Variants in TRPV2 observed in about 807,000 individuals in gnomAD.
The protein encoded by TRPV2 is OTRPC2.
TRPV2 carries 58 observed loss-of-function variants against 91.0 expected under a neutral mutation model. The ratio of observed to expected loss-of-function variants is 0.64; its 90% confidence interval spans 0.52 to 0.79. The LOEUF (loss-of-function observed/expected upper bound fraction) is 0.79. Ranked by LOEUF, TRPV2 falls within the 30% of genes least tolerant of loss-of-function variation. TRPV2 has a pLI of 0.00. For synonymous variants in TRPV2, 417 were observed against 414.8 expected, an observed-to-expected ratio of 1.01 and a Z score of -0.06; for missense variants, 807 against 969.6, an observed-to-expected ratio of 0.83 and a Z score of 2.23.
chr17:16,436,735 C>T (rs958145842), intron 14 of TRPV2, 54 bp from the exon 15 acceptor site: 1 of 1,346,574 alleles, frequency 7.4e-7, no homozygotes, highest in African/African-American at 1.4e-5. Flanking sequence ...CTGGTGCCTG[C>T]TTCCTGGGGA....
intron 9 of TRPV2, 195 bp from the exon 10 acceptor site, chr17:16,428,622 C>A (rs2093396016): frequency 1.4e-6 from 1 of 708,694 alleles, no homozygotes; most frequent in African/African-American, 1.8e-5. Flanking sequence ...ATACCTGTTT[C>A]ACTTAGTCCT....
chr17:16,418,389 G>A (rs912500237), intron 2 of TRPV2, among the ~76,000 whole-genome samples: 1 of 152,156 alleles, frequency 6.6e-6, no homozygotes, highest in African/African-American at 2.4e-5. Flanking sequence ...TTCAGACTGT[G>A]TGAGCACCAC....
At chr17:16,425,344 C>G (rs1206735444) in intron 5 of TRPV2, among the ~76,000 whole-genome samples, 4 of 152,120 alleles carry the variant, frequency 2.6e-5, no homozygotes, top group African/African-American at 9.7e-5. Context: ...TTTTTAATGC[C>G]TAGAGCTTTG....
At chr17:16,432,754 G>A (rs4541119) in intron 12 of TRPV2, among the ~76,000 whole-genome samples, 54,828 of 151,554 alleles carry the variant, frequency 0.36, 10,202 homozygotes, top group Non-Finnish European at 0.38. Context: ...GCACCAAGCA[G>A]GTGCTCAATG....
rs192870620 is a variant in TRPV2 at position 16,418,268 on chromosome 17, G to C, written c.200+400G>C. 2.0e-5 allele frequency among the ~76,000 whole-genome samples: 3 copies of C among 152,214 alleles called. No homozygotes were observed. In the South Asian group the frequency reaches 6.2e-4, roughly 31 times the overall value. On this transcript the variant is annotated intron_variant, in intron 2 of 14. Transcript: ENST00000338560. Reference sequence around the variant, plus strand: ...CTGGAAATGTCCCAGGCTCTCCTCAGTTCTGCAAGACTGAGCCTGTCACTC... The same window carrying C: ...CTGGAAATGTCCCAGGCTCTCCTCACTTCTGCAAGACTGAGCCTGTCACTC...
At chr17:16,430,739 G>A (rs1363370213) in intron 10 of TRPV2, among the ~76,000 whole-genome samples, 1 of 152,094 alleles carries the variant, frequency 6.6e-6, no homozygotes, top group Non-Finnish European at 1.5e-5. Context: ...CACCCACCTT[G>A]GCTTCCCAAA....
chr17:16,433,848 G>T lies in TRPV2; in HGVS notation c.2114+150G>T, dbSNP rs374434728. ...CAGGGACTGAGCCTGAGCAGGTGAGGTCAGGGGTCTGGATCTCACAAGCCA... is the reference window on the plus strand; with the variant it reads ...CAGGGACTGAGCCTGAGCAGGTGAGTTCAGGGGTCTGGATCTCACAAGCCA... On this transcript the variant is annotated intron_variant, in intron 13 of 14. Coordinates refer to ENST00000338560, the MANE Select transcript of TRPV2 (RefSeq NM_016113.5). 27 of 1,185,196 alleles carry T rather than the reference G, an allele frequency of 2.3e-5. No homozygotes were observed. In the East Asian group the frequency reaches 6.9e-4, roughly 30 times the overall value. The allele number at this position is 1,185,196 out of a possible 1,614,324, so 73.4% of individuals were successfully genotyped here.
intron 10 of TRPV2, among the ~76,000 whole-genome samples, chr17:16,431,550 C>T (rs1207702497): frequency 6.6e-6 from 1 of 151,988 alleles, no homozygotes; most frequent in African/African-American, 2.4e-5. Context: ...CTGCCCGCCT[C>T]AGCCTCCCAA....
intron 8 of TRPV2, 26 bp downstream of exon 8, chr17:16,427,573 C>T (rs2093389740): frequency 6.3e-7 from 1 of 1,593,766 alleles, no homozygotes; most frequent in Non-Finnish European, 8.6e-7. Context: ...CTTCTCCTAC[C>T]AAGAAGCAAA....
rs890289984 is a variant in TRPV2 at position 16,421,722 on chromosome 17, A to AT, written c.335-876dup. Among the ~76,000 whole-genome samples, 25 of 145,196 alleles carry AT rather than the reference A, an allele frequency of 1.7e-4. 1 individual carries two copies. The highest frequency in any genetic ancestry group is 6.2e-4 in the African/African-American group (24 of 38,736). ...TTTTTAGTAAAGATGGGATTTCACC[A>AT]TGTTGGTCAGGCTGGTCTGGAACTC... On this transcript the variant is annotated intron_variant, in intron 3 of 14. Transcript: ENST00000338560.
In TRPV2 at chr17:16,431,979, G is replaced by A. The variant is rs774134348; in HGVS notation, c.1668G>A (p.Leu556=). The A allele has an allele frequency of 6.9e-6, 11 of 1,604,728 alleles. No individual in the cohort carries two copies. The South Asian group carries it at 8.9e-5, about 13-fold the overall frequency. ...TTCATCCCATAGCCCTGGTGAGCCT[G>A]AGCCAGGAGGCTTGGCGCCCCGAAG... ...LFGFAVALVS[L]SQEAWRPEAP... The change falls in exon 12 of 15, where the codon CTG becomes CTA. Residue 556 remains leucine, a synonymous_variant. Transcript: ENST00000338560.
At chr17:16,429,473 T>C (rs528169797) in intron 10 of TRPV2, among the ~76,000 whole-genome samples, 1 of 152,248 alleles carries the variant, frequency 6.6e-6, no homozygotes, top group African/African-American at 2.4e-5. Flanking sequence ...ACTGAGAACA[T>C]TCCACACTGC....
chr17:16,422,193 T>C (rs979044120), intron 3 of TRPV2, among the ~76,000 whole-genome samples: 1 of 151,160 alleles, frequency 6.6e-6, no homozygotes, highest in African/African-American at 2.4e-5. Flanking sequence ...TGTGGCGGTG[T>C]GCGCCTGTGG....
chr17:16,422,043 G>A (rs931940876), intron 3 of TRPV2, among the ~76,000 whole-genome samples: 9 of 151,634 alleles, frequency 5.9e-5, no homozygotes, highest in South Asian at 2.1e-4. Context: ...AGTGGCTCAC[G>A]CCTGTAATCC....
intron 10 of TRPV2, among the ~76,000 whole-genome samples, chr17:16,431,200 T>C (rs949802928): frequency 4.9e-5 from 7 of 141,746 alleles, no homozygotes; most frequent in African/African-American, 1.8e-4. Flanking sequence ...TGTAGGCTTG[T>C]GCCACCATGC....
intron 3 of TRPV2, among the ~76,000 whole-genome samples, chr17:16,420,855 A>T (rs2093353294): frequency 6.6e-6 from 1 of 152,066 alleles, no homozygotes; most frequent in Non-Finnish European, 1.5e-5. Context: ...GGCTCCAGTG[A>T]TCCTTCCACC....
chr17:16,431,794 G>C lies in TRPV2; in HGVS notation c.1598G>C (p.Arg533Pro). The C allele has an allele frequency of 6.2e-7, 1 of 1,614,030 alleles. No individual in the cohort carries two copies. The highest frequency in any genetic ancestry group is 8.5e-7 in the Non-Finnish European group (1 of 1,179,998). ...GCACATGTGTTCCAGGTCATCCTGC[G>C]GGACCTGCTGCGCTTCCTTCTGATC... ...YSVMIQKVILRDLLRFLLIYL... is the reference protein window; with the variant it reads ...YSVMIQKVILPDLLRFLLIYL... Residue 533 changes from arginine to proline, a missense_variant, in exon 11 of 15, where the codon CGG (arginine) becomes CCG (proline). Arg to Pro is a moderately radical substitution (Grantham distance 103). Coordinates refer to ENST00000338560, the MANE Select transcript of TRPV2 (RefSeq NM_016113.5).
chr17:16,421,085 G>T (rs1259981265), intron 3 of TRPV2, among the ~76,000 whole-genome samples: 1 of 152,176 alleles, frequency 6.6e-6, no homozygotes, highest in Non-Finnish European at 1.5e-5. Context: ...TTTCCCTTGT[G>T]TCCTTATCAT....
chr17:16,426,338 GGCTGCCT>G lies in TRPV2; in HGVS notation c.1095+74_1095+80del. ...GTTTCCAGCAAGGTCCACAAATTGG[GGCTGCCT>G]GCTGGACCATATCTGCCCCATTCCT... On this transcript the variant is annotated intron_variant, in intron 6 of 14. Transcript: ENST00000338560. The surrounding 1 kb of genome is among the most constrained non-coding windows in gnomAD (Gnocchi z 6.0). 6.4e-7 allele frequency: 1 copy of G among 1,570,724 alleles called. No individual in the cohort carries two copies. Among genetic ancestry groups the G allele is most frequent in the Non-Finnish European group, 8.7e-7 (1 of 1,154,036 alleles).
Sources: allele counts gnomAD v4.1 joint callset (sites outside exome capture counted in the v4.1 genomes callset), GRCh38; gene constraint gnomAD v4.1.1; non-coding constraint Gnocchi (gnomAD v3.1); transcripts MANE v1.5; gene names NCBI Gene and HGNC (gene_info 2026-07-23, HGNC 2026-07-21).